Variants in ANO1 observed in about 807,000 individuals in gnomAD.
ANO1 encodes anoctamin 1.
A neutral mutation model predicts 124.0 loss-of-function variants in ANO1; 59 were observed. The observed-to-expected ratio is 0.48, with a 90% CI of 0.39 to 0.59. The LOEUF (loss-of-function observed/expected upper bound fraction) is 0.59. ANO1 is among the 20% of genes least tolerant of loss of function. ANO1 has a pLI of 0.00. For synonymous variants in ANO1, 529 were observed against 532.0 expected, an observed-to-expected ratio of 0.99 and a Z score of 0.08; for missense variants, 1,059 against 1,328.0, an observed-to-expected ratio of 0.80 and a Z score of 3.15.
At chr11:70,046,308 A>G (rs1555005628) in intron 1 of ANO1, among the ~76,000 whole-genome samples, 1 of 152,136 alleles carries the variant, frequency 6.6e-6, no homozygotes, top group African/African-American at 2.4e-5. Flanking sequence ...GGCACACACC[A>G]TAGCTGGTCA....
chr11:70,135,627 G>A (rs1413558440), intron 11 of ANO1, among the ~76,000 whole-genome samples: 1 of 152,116 alleles, frequency 6.6e-6, no homozygotes, highest in Non-Finnish European at 1.5e-5. Context: ...GTAATTCCTG[G>A]GTCCACAGAA....
At chr11:70,025,305 C>A (rs1371793144) in intron 1 of ANO1, among the ~76,000 whole-genome samples, 1 of 152,156 alleles carries the variant, frequency 6.6e-6, no homozygotes, top group Non-Finnish European at 1.5e-5. Flanking sequence ...TAGCACTATG[C>A]CTGTTATGAA....
chr11:70,148,936 T>A (rs968910923), intron 11 of ANO1, among the ~76,000 whole-genome samples: 1 of 152,124 alleles, frequency 6.6e-6, no homozygotes, highest in African/African-American at 2.4e-5. Context: ...TTGAGGGGGA[T>A]GATCTGTGGC....
intron 11 of ANO1, among the ~76,000 whole-genome samples, chr11:70,136,197 G>T (rs1178943975): frequency 6.6e-6 from 1 of 152,186 alleles, no homozygotes; most frequent in Admixed American, 6.5e-5. Flanking sequence ...AGACTAGAGC[G>T]TCCAGGGCTG....
intron 2 of ANO1, among the ~76,000 whole-genome samples, chr11:70,091,658 C>G (rs1248226090): frequency 6.6e-6 from 1 of 152,212 alleles, no homozygotes; most frequent in Non-Finnish European, 1.5e-5. Context: ...ACCTCTGGGA[C>G]CATCTGCTGT....
At chr11:70,104,865 G>C (rs527356287) in intron 4 of ANO1, among the ~76,000 whole-genome samples, 1 of 152,150 alleles carries the variant, frequency 6.6e-6, no homozygotes, top group Non-Finnish European at 1.5e-5. Context: ...CAGGGAGGAC[G>C]AACAGGTGCC....
In ANO1 at chr11:70,062,063, C is replaced by CT. The variant is rs1857593075; in HGVS notation, c.59-16476dup. Among the ~76,000 whole-genome samples, 104 of 76,686 alleles carry CT rather than the reference C, an allele frequency of 1.4e-3. 1 individual carries two copies. Among genetic ancestry groups the CT allele is most frequent in the Non-Finnish European group, 2.1e-3 (74 of 34,788 alleles). The allele number at this position is 76,686 out of a possible 152,430, so 50.3% of individuals were successfully genotyped here. A position where few individuals can be genotyped will look rare whatever the true frequency, so the allele number is the denominator to read the frequency against. Reference sequence around the variant, plus strand: ...AGAGGTGATTTTTTTCTCTTTCCTTCTTTCTTTTTTTTTTTTTTTTTTTTT... The same window carrying CT: ...AGAGGTGATTTTTTTCTCTTTCCTTCTTTTCTTTTTTTTTTTTTTTTTTTTT... On this transcript the variant is annotated intron_variant, in intron 1 of 27. Transcript: ENST00000531349.
Position 70,008,450 on chromosome 11 carries a change from C to G in ANO1, c.58+22284C>G, listed in dbSNP as rs1856532710. ...CGTAAGGTAAGGATCCAGCTTCATT[C>G]TTTTGCATGTGAATATCCAGTTTCC... On this transcript the variant is annotated intron_variant, in intron 1 of 27. Coordinates refer to the ANO1 transcript ENST00000531349. Among the ~76,000 whole-genome samples the G allele has an allele frequency of 4.6e-5, 7 of 152,310 alleles. No homozygotes were observed. The South Asian group carries it at 1.5e-3, about 32-fold the overall frequency.
intron 1 of ANO1, among the ~76,000 whole-genome samples, chr11:70,071,230 G>A (rs1426511152): frequency 6.6e-5 from 10 of 152,202 alleles, no homozygotes; most frequent in South Asian, 2.1e-4. Flanking sequence ...TTCTCTACAT[G>A]TGTGCTGTAC....
At chr11:70,092,962 G>A (rs1590706236) in intron 2 of ANO1, among the ~76,000 whole-genome samples, 1 of 151,768 alleles carries the variant, frequency 6.6e-6, no homozygotes, top group African/African-American at 2.4e-5. Context: ...AAAAGAGAAG[G>A]GCCCTGAGGC....
At chr11:70,004,660 G>A (rs1226357946) in intron 1 of ANO1, among the ~76,000 whole-genome samples, 6 of 152,230 alleles carry the variant, frequency 3.9e-5, no homozygotes, top group African/African-American at 1.2e-4. Context: ...AAAAAATATC[G>A]TGGAGCAATG....
At chr11:70,022,040 G>A (rs992268841) in intron 1 of ANO1, among the ~76,000 whole-genome samples, 1 of 152,140 alleles carries the variant, frequency 6.6e-6, no homozygotes, top group Non-Finnish European at 1.5e-5. Context: ...CTGGGGTTGG[G>A]CCCCTTCCCT....
rs76209207 is a variant in ANO1, at chr11:70,186,338, C to G, written c.2694+643C>G. ...GAGAAGGAGAGGAGGAGGAGGAGGA[C>G]GAGGAGGGGGAGGGAGGAAGGAAGG... On this transcript the variant is annotated intron_variant, in intron 25 of 25. Transcript: ENST00000355303. 5.8e-5 allele frequency among the ~76,000 whole-genome samples: 4 copies of G among 68,706 alleles called. No individual in the cohort carries two copies. The East Asian group carries it at 1.5e-3, about 26-fold the overall frequency. 45.1% of individuals were successfully genotyped at this position (68,706 alleles called of 152,430 possible).
intron 1 of ANO1, among the ~76,000 whole-genome samples, chr11:70,058,833 G>A (rs186726415): frequency 1.6e-4 from 25 of 152,236 alleles, no homozygotes; most frequent in African/African-American, 5.3e-4. Context: ...GGGTATGAAG[G>A]TTCCACTGAA....
At chr11:70,058,832 G>A (rs895648195) in intron 1 of ANO1, among the ~76,000 whole-genome samples, 11 of 152,156 alleles carry the variant, frequency 7.2e-5, no homozygotes, top group Non-Finnish European at 1.3e-4. Context: ...GGGGTATGAA[G>A]GTTCCACTGA....
At chr11:70,058,268 C>A (rs1857486723) in intron 1 of ANO1, among the ~76,000 whole-genome samples, 1 of 152,176 alleles carries the variant, frequency 6.6e-6, no homozygotes, top group African/African-American at 2.4e-5. Context: ...TAATTATTTA[C>A]TTGGATGGCA....
intron 10 of ANO1, among the ~76,000 whole-genome samples, chr11:70,130,774 C>A (rs1026284634): frequency 1.3e-5 from 2 of 152,214 alleles, no homozygotes; most frequent in African/African-American, 4.8e-5. Context: ...CTGGCAGGCC[C>A]CCCCGGCTTC....
rs760795169 is a variant in ANO1, at chr11:70,187,919, C to T, written c.2876C>T (p.Pro959Leu). ...AAGGAGCGGCAGAAGGACGAGCCGCCGTGCAACCACCACAACACCAAAGCC... is the reference window on the plus strand; with the variant it reads ...AAGGAGCGGCAGAAGGACGAGCCGCTGTGCAACCACCACAACACCAAAGCC... ...MEKERQKDEPPCNHHNTKACP... is the reference protein window; with the variant it reads ...MEKERQKDEPLCNHHNTKACP... The change falls in exon 26 of 26, where the codon CCG becomes CTG. Residue 959 changes from proline (P) to leucine (L), a missense_variant. By Grantham distance (98) the Pro-to-Leu change is moderately conservative. Transcript: ENST00000355303. The T allele has an allele frequency of 4.5e-5, 72 of 1,586,982 alleles. 1 individual carries two copies. Among genetic ancestry groups the T allele is most frequent in the South Asian group, 4.0e-4 (35 of 87,130 alleles).
intron 1 of ANO1, among the ~76,000 whole-genome samples, chr11:70,040,352 C>G (rs921664443): frequency 6.6e-6 from 1 of 152,120 alleles, no homozygotes; most frequent in Non-Finnish European, 1.5e-5. Flanking sequence ...GTTGAGAGAA[C>G]AGACGAGAAG....
Sources: gnomAD v4.1 joint callset for allele counts (sites outside exome capture counted in the v4.1 genomes callset) on GRCh38, gnomAD v4.1.1 for gene constraint, MANE v1.5 for transcripts, NCBI Gene and HGNC (gene_info 2026-07-23, HGNC 2026-07-21) for gene names.